ARK2C: variants seen among roughly 807,000 people sequenced by gnomAD.
The protein encoded by ARK2C is arkadia (RNF111) C-terminal like ring finger ubiquitin ligase 2C.
At chr18:46,421,578 G>A in the ARK2C span, among the ~76,000 whole-genome samples, 1 of 152,208 alleles carries the variant, frequency 6.6e-6, no homozygotes, top group Non-Finnish European at 1.5e-5. Context: ...GATGGGGAAA[G>A]TATCTTCTTG....
chr18:46,425,133 G>T, the ARK2C span, among the ~76,000 whole-genome samples: 13 of 152,222 alleles, frequency 8.5e-5, no homozygotes, highest in African/African-American at 3.1e-4. Flanking sequence ...CACTGGGGAA[G>T]AGTGAGGCTG....
At chr18:46,453,042 T>C in the ARK2C span, among the ~76,000 whole-genome samples, 4 of 152,234 alleles carry the variant, frequency 2.6e-5, no homozygotes, top group Non-Finnish European at 5.9e-5. Context: ...AATGGTGAGC[T>C]GCTGATACCT....
At chr18:46,370,621 C>T in the ARK2C span, among the ~76,000 whole-genome samples, 7 of 152,194 alleles carry the variant, frequency 4.6e-5, no homozygotes, top group African/African-American at 9.7e-5. Context: ...TGATCTTAAA[C>T]GTACCAGGTG....
the ARK2C span, among the ~76,000 whole-genome samples, chr18:46,411,405 T>A: frequency 2.0e-5 from 3 of 152,230 alleles, no homozygotes; most frequent in African/African-American, 7.2e-5. Flanking sequence ...ATAGGACGTA[T>A]GCTCTGAGTC....
At chr18:46,426,408 T>C in the ARK2C span, among the ~76,000 whole-genome samples, 5 of 152,134 alleles carry the variant, frequency 3.3e-5, no homozygotes, top group African/African-American at 9.7e-5. Flanking sequence ...TGTCCTCCTA[T>C]CCACCCACTA....
the ARK2C span, among the ~76,000 whole-genome samples, chr18:46,341,658 A>G: frequency 6.6e-6 from 1 of 152,174 alleles, no homozygotes; most frequent in South Asian, 2.1e-4. Flanking sequence ...CTTCAACAAT[A>G]AAAATTCCTC....
chr18:46,425,635 C>T, the ARK2C span, among the ~76,000 whole-genome samples: 1 of 152,150 alleles, frequency 6.6e-6, no homozygotes, highest in African/African-American at 2.4e-5. Context: ...CGGTCCCTGG[C>T]ATCTGACTTC....
the ARK2C span, among the ~76,000 whole-genome samples, chr18:46,429,386 C>T: frequency 5.3e-5 from 8 of 152,342 alleles, no homozygotes; most frequent in East Asian, 1.4e-3. Context: ...CCGCAGTGCG[C>T]TTTTAACTCT....
the ARK2C span, among the ~76,000 whole-genome samples, chr18:46,408,037 G>A: frequency 6.6e-6 from 1 of 152,172 alleles, no homozygotes; most frequent in African/African-American, 2.4e-5. Flanking sequence ...GGGGTGGCAG[G>A]GATTGGGGAA....
the ARK2C span, among the ~76,000 whole-genome samples, chr18:46,412,314 C>A: frequency 6.6e-6 from 1 of 152,372 alleles, no homozygotes; most frequent in South Asian, 2.1e-4. Flanking sequence ...TGGCCAGAAG[C>A]AGACCCACAG....
chr18:46,426,302 T>A, the ARK2C span, among the ~76,000 whole-genome samples: 2 of 152,234 alleles, frequency 1.3e-5, no homozygotes, highest in Non-Finnish European at 2.9e-5. Flanking sequence ...GCAGTGAGCC[T>A]TTTAGAGACT....
chr18:46,367,937 G>T, the ARK2C span, among the ~76,000 whole-genome samples: 2 of 152,198 alleles, frequency 1.3e-5, no homozygotes, highest in Admixed American at 1.3e-4. Flanking sequence ...GCCCAGTTAC[G>T]GTTGAGAATC....
At chr18:46,358,738 C>T in the ARK2C span, among the ~76,000 whole-genome samples, 2 of 152,326 alleles carry the variant, frequency 1.3e-5, no homozygotes, top group East Asian at 1.9e-4. Flanking sequence ...CTTGTCCCTA[C>T]ACTGACCAGC....
chr18:46,433,537 C>T, the ARK2C span: 3 of 1,550,246 alleles, frequency 1.9e-6, no homozygotes, highest in African/African-American at 1.4e-5. Context: ...GGTGGGGACC[C>T]GGATGGGGTC....
chr18:46,418,792 G>GT, the ARK2C span, among the ~76,000 whole-genome samples: 1 of 152,240 alleles, frequency 6.6e-6, no homozygotes, highest in African/African-American at 2.4e-5. Flanking sequence ...GCTCTGGGCT[G>GT]TGAGGGCAGG....
At chr18:46,363,457 C>A in the ARK2C span, among the ~76,000 whole-genome samples, 1 of 152,220 alleles carries the variant, frequency 6.6e-6, no homozygotes, top group Non-Finnish European at 1.5e-5. Flanking sequence ...GGAGACAGTG[C>A]CCGTTCCTGG....
the ARK2C span, among the ~76,000 whole-genome samples, chr18:46,440,288 G>C: frequency 8.5e-5 from 13 of 152,344 alleles, 1 homozygote; most frequent in South Asian, 2.5e-3. Flanking sequence ...GAGAGAGAGA[G>C]AGAGAGAGAC....
the ARK2C span, among the ~76,000 whole-genome samples, chr18:46,424,824 G>A: frequency 6.6e-6 from 1 of 152,190 alleles, no homozygotes; most frequent in African/African-American, 2.4e-5. Context: ...CCTTACACCG[G>A]GTGACTCTGC....
At chr18:46,366,283 A>T in the ARK2C span, among the ~76,000 whole-genome samples, 1 of 132,780 alleles carries the variant, frequency 7.5e-6, no homozygotes, top group East Asian at 2.4e-4. Context: ...CAAGAGCAGA[A>T]CTCTGGCTCA....
Sources: allele counts gnomAD v4.1 joint callset (sites outside exome capture counted in the v4.1 genomes callset), GRCh38; gene constraint gnomAD v4.1.1; transcripts MANE v1.5; gene names NCBI Gene and HGNC (gene_info 2026-07-23, HGNC 2026-07-21).